The following ERI3 variants were observed in gnomAD, a reference collection of about 807,000 sequenced individuals.
ERI3 encodes the protein ERI1 exoribonuclease 3.
Under a neutral mutation model 44.4 loss-of-function variants are expected in ERI3, and 18 were observed. The observed-to-expected ratio is 0.41, with a 90% CI of 0.28 to 0.60. The LOEUF (loss-of-function observed/expected upper bound fraction) is 0.60, where lower values mean the gene tolerates loss of function less well. Among genes scored for constraint, ERI3 ranks in the 20% least tolerant of loss-of-function variants. The pLI is 0.36. For synonymous variants in ERI3, 183 were observed against 164.8 expected, an observed-to-expected ratio of 1.11 and a Z score of -0.84; for missense variants, 294 against 435.5, an observed-to-expected ratio of 0.68 and a Z score of 2.89.
At chr1:44,342,826 T>TATATATAA (rs1553201340) in intron 2 of ERI3, among the ~76,000 whole-genome samples, 1,028 of 17,080 alleles carry the variant, frequency 0.06, 94 homozygotes, top group Non-Finnish European at 0.076. Flanking sequence ...TATATATATA[T>TATATATAA]ATATATATAT....
intron 7 of ERI3, among the ~76,000 whole-genome samples, chr1:44,273,896 T>C (rs1456413151): frequency 1.3e-5 from 2 of 152,282 alleles, no homozygotes; most frequent in East Asian, 1.9e-4. Context: ...AAGTTTGATA[T>C]GGCTGGAATG....
chr1:44,284,017 G>A (rs546485029), intron 7 of ERI3: 1 of 470,906 alleles, frequency 2.1e-6, no homozygotes, highest in Non-Finnish European at 4.4e-6. Context: ...CTTTCTCTGA[G>A]CTTCCTCTGA....
At chr1:44,304,096 G>A (rs538890819) in intron 6 of ERI3, among the ~76,000 whole-genome samples, 9 of 152,288 alleles carry the variant, frequency 5.9e-5, no homozygotes, top group East Asian at 1.9e-4. Flanking sequence ...AGGACAGGGT[G>A]TGAGGAGAAA....
Position 44,252,764 on chromosome 1 carries a change from T to A in ERI3, c.832-4726A>T, listed in dbSNP as rs539886744. Among the ~76,000 whole-genome samples the A allele has an allele frequency of 6.6e-6, 1 of 152,286 alleles. No homozygotes were observed. The highest frequency in any genetic ancestry group is 6.5e-5 in the Admixed American group (1 of 15,298). ...CTGCTATGGTATCTCTGCCCACCCATATACTACCTACCAGGACCCTCAGAG... is the reference window on the plus strand; with the variant it reads ...CTGCTATGGTATCTCTGCCCACCCAAATACTACCTACCAGGACCCTCAGAG... On this transcript the variant is annotated intron_variant, in intron 7 of 8. Coordinates refer to ENST00000372257, the MANE Select transcript of ERI3 (RefSeq NM_024066.3). This position sits in a 1 kb window ranked among gnomAD's most constrained non-coding sequence, Gnocchi z 4.7.
intron 8 of ERI3, 133 bp downstream of exon 8, chr1:44,247,806 T>G: frequency 1.8e-6 from 1 of 555,362 alleles, no homozygotes; most frequent in Non-Finnish European, 3.0e-6. Context: ...CCTTCCACCA[T>G]CCCCCCACCT....
At chr1:44,332,455 C>T (rs1192230558) in intron 3 of ERI3, among the ~76,000 whole-genome samples, 1 of 152,184 alleles carries the variant, frequency 6.6e-6, no homozygotes, top group Non-Finnish European at 1.5e-5. Flanking sequence ...GCCCCACCCC[C>T]AGACAACTCC....
At chr1:44,237,750 A>G (rs1212038257) in intron 8 of ERI3, among the ~76,000 whole-genome samples, 1 of 152,146 alleles carries the variant, frequency 6.6e-6, no homozygotes, top group Non-Finnish European at 1.5e-5. Context: ...TTCTATTCAA[A>G]GTGGCCACTT....
At chr1:44,226,778 AACAC>A (rs60011057) in intron 8 of ERI3, among the ~76,000 whole-genome samples, 19,552 of 143,376 alleles carry the variant, frequency 0.14, 1,536 homozygotes, top group Non-Finnish European at 0.18. Flanking sequence ...AGCATTATTA[AACAC>A]ACACACACAC....
At chr1:44,273,158 G>C (rs1337985577) in intron 7 of ERI3, among the ~76,000 whole-genome samples, 1 of 152,172 alleles carries the variant, frequency 6.6e-6, no homozygotes, top group Non-Finnish European at 1.5e-5. Context: ...TGGAATAACT[G>C]TCCAAAGGTC....
At chr1:44,346,163 T>C (rs1010604068) in intron 2 of ERI3, among the ~76,000 whole-genome samples, 1 of 152,262 alleles carries the variant, frequency 6.6e-6, no homozygotes, top group African/African-American at 2.4e-5. Context: ...AGTCCCTGCC[T>C]TGGCCTGTAG....
intron 7 of ERI3, among the ~76,000 whole-genome samples, chr1:44,279,209 C>T (rs1323674001): frequency 1.3e-5 from 2 of 150,764 alleles, no homozygotes; most frequent in Non-Finnish European, 3.0e-5. Flanking sequence ...AATTATCAAT[C>T]ACAGACCAAT....
intron 7 of ERI3, among the ~76,000 whole-genome samples, chr1:44,262,607 GGCAGGC>G (rs1644916657): frequency 6.6e-6 from 1 of 152,214 alleles, no homozygotes; most frequent in Non-Finnish European, 1.5e-5. Flanking sequence ...GCACGCTTGT[GGCAGGC>G]GCAGGGTCAG....
intron 6 of ERI3, among the ~76,000 whole-genome samples, chr1:44,301,096 T>C (rs1220362732): frequency 3.3e-5 from 5 of 152,098 alleles, no homozygotes; most frequent in African/African-American, 7.2e-5. Context: ...GAGATTTATA[T>C]CGAGTGACTT....
At chr1:44,315,123 A>G (rs569378741) in intron 4 of ERI3, among the ~76,000 whole-genome samples, 1 of 152,310 alleles carries the variant, frequency 6.6e-6, no homozygotes, top group South Asian at 2.1e-4. Context: ...CATCCTGGAA[A>G]AGGCGGACCA....
intron 7 of ERI3, among the ~76,000 whole-genome samples, chr1:44,256,368 C>T (rs181558099): frequency 1.4e-4 from 21 of 152,274 alleles, no homozygotes. Context: ...GTACTCTCAG[C>T]CTATGTATAT....
At chr1:44,255,916 A>C (rs933266158) in intron 7 of ERI3, among the ~76,000 whole-genome samples, 2 of 152,112 alleles carry the variant, frequency 1.3e-5, no homozygotes, top group Admixed American at 6.5e-5. Context: ...ATTTTGTCCT[A>C]ATTTGAACAC....
At chr1:44,259,759 C>T (rs1420463296) in intron 7 of ERI3, among the ~76,000 whole-genome samples, 1 of 149,556 alleles carries the variant, frequency 6.7e-6, no homozygotes, top group Admixed American at 6.7e-5. Flanking sequence ...ACCTGTGATC[C>T]TAGTTACTAG....
intron 7 of ERI3, among the ~76,000 whole-genome samples, chr1:44,248,439 C>G (rs1013762040): frequency 6.6e-6 from 1 of 152,178 alleles, no homozygotes; most frequent in African/African-American, 2.4e-5. Flanking sequence ...CACAGTATTA[C>G]TGTTCACAAA....
intron 3 of ERI3, among the ~76,000 whole-genome samples, chr1:44,334,556 C>G (rs988396267): frequency 6.6e-6 from 1 of 152,208 alleles, no homozygotes; most frequent in Non-Finnish European, 1.5e-5. Flanking sequence ...TTTAAACCAT[C>G]TAAATTACAT....
Sources: gnomAD v4.1 joint callset for allele counts (sites outside exome capture counted in the v4.1 genomes callset) on GRCh38, gnomAD v4.1.1 for gene constraint, Gnocchi (gnomAD v3.1) non-coding constraint, MANE v1.5 for transcripts, NCBI Gene and HGNC (gene_info 2026-07-23, HGNC 2026-07-21) for gene names.